The following HUNK variants were observed in gnomAD, a reference collection of about 807,000 sequenced individuals.
HUNK encodes hormonally up-regulated Neu-associated kinase.
HUNK carries 21 observed loss-of-function variants against 61.0 expected under a neutral mutation model. The ratio of observed to expected loss-of-function variants is 0.34; its 90% CI spans 0.24 to 0.50. HUNK has a LOEUF of 0.50. Ranked by LOEUF, HUNK falls within the 20% of genes least tolerant of loss-of-function variation. HUNK has a pLI of 0.98. For synonymous variants in HUNK, 371 were observed against 386.1 expected (o/e 0.96, Z 0.46); for missense variants, 772 against 945.7 (o/e 0.82, Z 2.41).
In HUNK at chr21:31,995,889, A is replaced by G. The variant is rs2053201717; in HGVS notation, c.1427A>G (p.Gln476Arg). The stretch of plus-strand genomic sequence containing the variant: ...TCAGGCTCGCTTATGACACAGATTC[A>G]GAACACCAAAGCCCTCCTGAAGGAC... ...QPSGSLMTQIQNTKALLKDRK... is the reference protein window; with the variant it reads ...QPSGSLMTQIRNTKALLKDRK... Residue 476 changes from glutamine (Q) to arginine (R), a missense_variant, in exon 10 of 11, where the codon CAG becomes CGG. Coordinates refer to ENST00000270112, the MANE Select transcript of HUNK (RefSeq NM_014586.2). The G allele has an allele frequency of 1.2e-6, 2 of 1,614,132 alleles. No individual in the cohort carries two copies. Among genetic ancestry groups the G allele is most frequent in the Non-Finnish European group, 1.7e-6 (2 of 1,179,994 alleles).
At chr21:31,982,620 AT>A (rs2123242907) in intron 7 of HUNK, among the ~76,000 whole-genome samples, 1 of 152,254 alleles carries the variant, frequency 6.6e-6, no homozygotes, top group South Asian at 2.1e-4. Flanking sequence ...TAATTAATTA[AT>A]CCATGTTTTT....
intron 1 of HUNK, among the ~76,000 whole-genome samples, chr21:31,901,572 T>C (rs1382472196): frequency 6.6e-6 from 1 of 152,106 alleles, no homozygotes; most frequent in Non-Finnish European, 1.5e-5. Flanking sequence ...GTCTCAAAGT[T>C]AAGGACCCAG....
intron 1 of HUNK, among the ~76,000 whole-genome samples, chr21:31,880,523 C>T (rs951051976): frequency 6.6e-6 from 1 of 152,176 alleles, no homozygotes; most frequent in Admixed American, 6.5e-5. Flanking sequence ...TCTGTCTCTG[C>T]GTCTGTCTTC....
Position 31,946,018 on chromosome 21 carries a change from G to A in HUNK, c.611-18G>A, listed in dbSNP as rs1230779372. 4 of 1,558,922 alleles carry A rather than the reference G, an allele frequency of 2.6e-6. No homozygotes were observed. The highest frequency in any genetic ancestry group is 2.7e-5 in the African/African-American group (2 of 73,674). ...AGTTTTCTAATTCGGAGCTTGTTTT[G>A]TTCACCTCTCTTTGCAGACTTTGGT... is the stretch of plus-strand genomic sequence containing the variant. On this transcript the variant is annotated intron_variant, in intron 3 of 10. Transcript: ENST00000270112.
chr21:31,960,307 G>C (rs182283974), intron 5 of HUNK, among the ~76,000 whole-genome samples: 4 of 149,762 alleles, frequency 2.7e-5, no homozygotes, highest in African/African-American at 1.0e-4. Context: ...TAATAAACAT[G>C]TGTGGTATTT....
At position 31,951,816 on chromosome 21, in the gene HUNK, AC is replaced by A. The variant is rs1414245737; in HGVS notation, c.746+5646del. ...CTCAGACTCAGTGTTTTGTAAAAGT[AC>A]TACCAGATATCATCAGCTACTGGCA... On this transcript the variant is annotated intron_variant, in intron 4 of 10. Transcript: ENST00000270112. Among the ~76,000 whole-genome samples, 10 of 152,336 alleles carry A rather than the reference AC, an allele frequency of 6.6e-5. No homozygotes were observed. In the South Asian group the frequency reaches 2.1e-3, roughly 32 times the overall value.
At chr21:31,976,339 T>A (rs1402415003) in intron 7 of HUNK, among the ~76,000 whole-genome samples, 1 of 152,002 alleles carries the variant, frequency 6.6e-6, no homozygotes, top group Non-Finnish European at 1.5e-5. Context: ...GAGGAGAGAT[T>A]CAGAAAATCT....
At chr21:31,899,887 C>T (rs1463688882) in intron 1 of HUNK, among the ~76,000 whole-genome samples, 2 of 151,926 alleles carry the variant, frequency 1.3e-5, no homozygotes, top group Non-Finnish European at 2.9e-5. Context: ...AAGCAATTCT[C>T]CTGCCTCAGC....
chr21:31,965,345 A>G (rs1251552456), intron 5 of HUNK, among the ~76,000 whole-genome samples: 4 of 151,520 alleles, frequency 2.6e-5, no homozygotes, highest in African/African-American at 4.8e-5. Context: ...AAAAAAACCT[A>G]TTGGGTACCA....
At chr21:31,939,952 T>C (rs181295679) in intron 2 of HUNK, among the ~76,000 whole-genome samples, 2 of 148,336 alleles carry the variant, frequency 1.3e-5, no homozygotes, top group East Asian at 3.9e-4. Context: ...CTGTCTGTCA[T>C]GTCTGAAATT....
intron 5 of HUNK, among the ~76,000 whole-genome samples, chr21:31,962,920 G>A (rs1375427536): frequency 6.6e-6 from 1 of 152,188 alleles, no homozygotes; most frequent in Non-Finnish European, 1.5e-5. Flanking sequence ...ACTCAGGATT[G>A]GGAATTGTCC....
chr21:31,964,055 T>G (rs967564080), intron 5 of HUNK, among the ~76,000 whole-genome samples: 3 of 152,220 alleles, frequency 2.0e-5, no homozygotes, highest in Non-Finnish European at 4.4e-5. Flanking sequence ...GAGTAGCGAA[T>G]GCCTTTTATG....
At chr21:31,980,340 G>A (rs982875810) in intron 7 of HUNK, among the ~76,000 whole-genome samples, 3 of 150,194 alleles carry the variant, frequency 2.0e-5, no homozygotes, top group African/African-American at 7.4e-5. Flanking sequence ...AAAGTGCTGG[G>A]ATTATAGGCG....
intron 9 of HUNK, among the ~76,000 whole-genome samples, chr21:31,993,998 A>G (rs975048581): frequency 2.6e-5 from 4 of 152,154 alleles, no homozygotes; most frequent in African/African-American, 9.7e-5. Context: ...CATCAACTTC[A>G]GGGCCGGGAA....
At chr21:31,916,297 G>A (rs2052582682) in intron 1 of HUNK, among the ~76,000 whole-genome samples, 1 of 151,816 alleles carries the variant, frequency 6.6e-6, no homozygotes. Flanking sequence ...TTATCCGCCC[G>A]CCTCGGCCTC....
At chr21:31,892,158 A>T (rs918247215) in intron 1 of HUNK, among the ~76,000 whole-genome samples, 1,377 of 111,886 alleles carry the variant, frequency 0.012, 11 homozygotes, top group East Asian at 0.026. Context: ...TAAAAAAAAA[A>T]AAAAATATAT....
chr21:31,919,184 G>C (rs987482956), intron 1 of HUNK, among the ~76,000 whole-genome samples: 2 of 151,004 alleles, frequency 1.3e-5, no homozygotes, highest in Non-Finnish European at 3.0e-5. Context: ...TGAGGTTGAG[G>C]GGCTGGACTG....
intron 9 of HUNK, among the ~76,000 whole-genome samples, chr21:31,991,918 A>G (rs1345009484): frequency 6.6e-6 from 1 of 152,206 alleles, no homozygotes; most frequent in Non-Finnish European, 1.5e-5. Flanking sequence ...TCAGGCGATA[A>G]AGCAAGTGTG....
At chr21:31,940,547 C>T (rs1423323285) in intron 3 of HUNK, among the ~76,000 whole-genome samples, 5 of 152,200 alleles carry the variant, frequency 3.3e-5, no homozygotes, top group African/African-American at 9.7e-5. Context: ...TCTCATTCCA[C>T]TTCTTGGTGA....
Sources: gnomAD v4.1 joint callset for allele counts (sites outside exome capture counted in the v4.1 genomes callset) on GRCh38, gnomAD v4.1.1 for gene constraint, MANE v1.5 for transcripts, NCBI Gene and HGNC (gene_info 2026-07-23, HGNC 2026-07-21) for gene names.